The following SHMT1 variants were observed in gnomAD, a reference collection of about 807,000 sequenced individuals.
SHMT1 encodes serine hydroxymethyltransferase 1, also known as serine hydroxymethyltransferase, cytosolic.
Under a neutral mutation model 49.0 loss-of-function variants are expected in SHMT1, and 45 were observed. The ratio of observed to expected loss-of-function variants is 0.92; its 90% CI spans 0.72 to 1.18. SHMT1 has a LOEUF of 1.18. Among genes scored for constraint, SHMT1 ranks in the 50% most tolerant of loss-of-function variants. The pLI, the probability that SHMT1 is intolerant of heterozygous loss-of-function variation, is 0.00. For missense variants in SHMT1, 541 were observed against 612.4 expected, an observed-to-expected ratio of 0.88 and a Z score of 1.23; for synonymous variants, 232 against 246.6, an observed-to-expected ratio of 0.94 and a Z score of 0.55.
chr17:18,336,493 C>T (rs1030491837), intron 7 of SHMT1, among the ~76,000 whole-genome samples: 1 of 151,896 alleles, frequency 6.6e-6, no homozygotes, highest in Admixed American at 6.6e-5. Context: ...TAGTGAAACC[C>T]TGTCTCTACT....
Position 18,333,297 on chromosome 17 carries a change from GAA to G in SHMT1, c.932-11_932-10del, listed in dbSNP as rs1369764478. 1 of 1,612,734 alleles carries G rather than the reference GAA, an allele frequency of 6.2e-7. No homozygotes were observed. The highest frequency in any genetic ancestry group is 8.5e-7 in the Non-Finnish European group (1 of 1,179,854). On this transcript the variant is annotated splice_polypyrimidine_tract_variant and intron_variant, in intron 8 of 11. Transcript: ENST00000316694. ...CAGTGCCACAGCAACCCCTGGACAA[GAA>G]GAGACAATGGGTCAGGAGGCTAGGA...
intron 5 of SHMT1, among the ~76,000 whole-genome samples, chr17:18,344,780 T>C (rs1984911101): frequency 6.6e-6 from 1 of 152,092 alleles, no homozygotes; most frequent in Non-Finnish European, 1.5e-5. Context: ...AGCAGTCACT[T>C]AGGACCAGGG....
At chr17:18,343,622 A>C (rs1196566462) in intron 5 of SHMT1, among the ~76,000 whole-genome samples, 1 of 144,892 alleles carries the variant, frequency 6.9e-6, no homozygotes, top group East Asian at 2.0e-4. Flanking sequence ...AAAAAAAAAA[A>C]AAAAAAAAAG....
Position 18,340,515 on chromosome 17 carries a change from C to G in SHMT1, c.601+217G>C. Reference sequence around the variant, plus strand: ...GGGCCTGACATTTCTAGATGCTTCTCTGAGAACAGTCTCACATCTTAATCT... The same window carrying G: ...GGGCCTGACATTTCTAGATGCTTCTGTGAGAACAGTCTCACATCTTAATCT... On this transcript the variant is annotated intron_variant, in intron 6 of 11. Coordinates refer to ENST00000316694, the MANE Select transcript of SHMT1 (RefSeq NM_004169.5). This position sits in a 1 kb window ranked among gnomAD's most constrained non-coding sequence, Gnocchi z 4.5. 1.5e-6 allele frequency: 1 copy of G among 677,266 alleles called. No homozygotes were observed. The highest frequency in any genetic ancestry group is 2.6e-6 in the Non-Finnish European group (1 of 378,124). 42.0% of individuals were successfully genotyped at this position (677,266 alleles called of 1,614,324 possible). A position where few individuals can be genotyped will look rare whatever the true frequency, so the allele number is the denominator to read the frequency against.
intron 3 of SHMT1, among the ~76,000 whole-genome samples, chr17:18,350,257 G>C (rs1394270806): frequency 6.6e-6 from 1 of 152,034 alleles, no homozygotes; most frequent in Admixed American, 6.6e-5. Context: ...CGTGAACCCG[G>C]GAGGTGGAGC....
rs572473942 is a variant in SHMT1, at chr17:18,353,756, G to A, written c.158C>T (p.Ser53Leu). ...RQRVGLELIA[S>L]ENFASRAVLE... ...AACTGCTCGGCTGGCGAAATTCTCC[G>A]AGGCAATCAGCTCCAATCCAACCCT... Residue 53 changes from serine (S) to leucine (L), a missense_variant, in exon 3 of 12, where the codon TCG becomes TTG. Ser to Leu is a moderately radical substitution (Grantham distance 145). Transcript: ENST00000316694. 5.6e-6 allele frequency: 9 copies of A among 1,613,990 alleles called. No individual in the cohort carries two copies. The highest frequency in any genetic ancestry group is 3.3e-5 in the Admixed American group (2 of 59,988).
chr17:18,356,955 A>G (rs553736503), intron 1 of SHMT1, among the ~76,000 whole-genome samples: 6 of 152,036 alleles, frequency 3.9e-5, no homozygotes, highest in Non-Finnish European at 8.8e-5. Flanking sequence ...TTTTTAAAAA[A>G]TCTCCTGCGG....
intron 8 of SHMT1, 45 bp from the exon 9 acceptor site, chr17:18,333,333 TAC>T (rs1221355931): frequency 6.2e-7 from 1 of 1,600,592 alleles, no homozygotes; most frequent in Admixed American, 1.7e-5. Context: ...GATAGAATCA[TAC>T]ACAGATGATG....
intron 5 of SHMT1, among the ~76,000 whole-genome samples, chr17:18,344,769 C>T (rs1203022829): frequency 4.6e-5 from 7 of 152,086 alleles, no homozygotes; most frequent in African/African-American, 1.7e-4. Context: ...AAGGAGACCC[C>T]AGCAGTCACT....
chr17:18,354,006 G>C (rs1351211825), intron 2 of SHMT1, among the ~76,000 whole-genome samples, 189 bp from the exon 3 acceptor site: 1 of 152,226 alleles, frequency 6.6e-6, no homozygotes, highest in Non-Finnish European at 1.5e-5. Flanking sequence ...ATGATAGCCA[G>C]GTGCGGTGGC....
intron 2 of SHMT1, among the ~76,000 whole-genome samples, chr17:18,355,397 G>A (rs190033219): frequency 0.017 from 2,435 of 145,766 alleles, 59 homozygotes; most frequent in African/African-American, 0.053. Flanking sequence ...AAAATTAGCC[G>A]GGCATGGTGG....
At chr17:18,339,785 C>A (rs1345438842) in intron 7 of SHMT1, among the ~76,000 whole-genome samples, 1 of 152,186 alleles carries the variant, frequency 6.6e-6, no homozygotes, top group Non-Finnish European at 1.5e-5. Flanking sequence ...TGGTCTTGAT[C>A]TCCTGACCTC....
Position 18,333,264 on chromosome 17 carries a change from G to C in SHMT1, c.956C>G (p.Ala319Gly). The C allele has an allele frequency of 1.2e-6, 2 of 1,613,554 alleles. No individual in the cohort carries two copies. Among genetic ancestry groups the C allele is most frequent in the Non-Finnish European group, 1.7e-6 (2 of 1,179,950 alleles). The change falls in exon 9 of 12, where the codon GCT (alanine) becomes GGT (glycine). Residue 319 changes from alanine to glycine, a missense_variant. By Grantham distance (60) the Ala-to-Gly change is moderately conservative (BLOSUM62 0). Coordinates refer to ENST00000316694, the MANE Select transcript of SHMT1 (RefSeq NM_004169.5). ...IAGVAVALKQ[A>G]MTLEFKVYQH... is the part of the protein sequence containing the mutation. ...ATAAACTTTAAATTCCAGAGTCATA[G>C]CTTGCTTCAGTGCCACAGCAACCCC...
rs557412766 is a variant in SHMT1 at position 18,329,168 on chromosome 17, T to G, written c.1282+110A>C. 233 of 929,318 alleles carry G rather than the reference T, an allele frequency of 2.5e-4. No individual in the cohort carries two copies. In the African/African-American group the frequency reaches 3.5e-3, roughly 14 times the overall value. 57.6% of individuals were successfully genotyped at this position (929,318 alleles called of 1,614,324 possible). On this transcript the variant is annotated intron_variant, in intron 11 of 11. Coordinates refer to ENST00000316694, the MANE Select transcript of SHMT1 (RefSeq NM_004169.5). ...TTTTTGCTGTCTCCCACCCCAACACTCAGCCTTGGTGCAGAATTGTCTTTC... is the reference window on the plus strand; with the variant it reads ...TTTTTGCTGTCTCCCACCCCAACACGCAGCCTTGGTGCAGAATTGTCTTTC...
intron 5 of SHMT1, chr17:18,341,091 C>T (rs2151580456): frequency 4.0e-6 from 2 of 498,018 alleles, no homozygotes; most frequent in Middle Eastern, 1.1e-3. Flanking sequence ...CAGAATGAAA[C>T]AAATGTGACG....
intron 5 of SHMT1, among the ~76,000 whole-genome samples, chr17:18,343,831 G>A (rs1314557075): frequency 7.2e-6 from 1 of 138,726 alleles, no homozygotes; most frequent in Non-Finnish European, 1.5e-5. Context: ...GAAGAGGAAA[G>A]ATCGCTTGAG....
At chr17:18,356,593 A>G (rs1047527888) in intron 1 of SHMT1, among the ~76,000 whole-genome samples, 1 of 152,004 alleles carries the variant, frequency 6.6e-6, no homozygotes, top group South Asian at 2.1e-4. Flanking sequence ...TCGGCCTCCC[A>G]AAGTGCTGGG....
chr17:18,329,163 A>G, intron 11 of SHMT1, 115 bp downstream of exon 11: 1 of 927,356 alleles, frequency 1.1e-6, no homozygotes, highest in Non-Finnish European at 1.7e-6. Context: ...CTCCCACCCC[A>G]ACACTCAGCC....
chr17:18,351,163 G>T (rs562322994), intron 3 of SHMT1, among the ~76,000 whole-genome samples: 181 of 147,684 alleles, frequency 1.2e-3, no homozygotes, highest in African/African-American at 4.4e-3. Context: ...ATTTTTTTGA[G>T]ACGGAATCTC....
Sources: allele counts gnomAD v4.1 joint callset (sites outside exome capture counted in the v4.1 genomes callset), GRCh38; gene constraint gnomAD v4.1.1; non-coding constraint Gnocchi (gnomAD v3.1); transcripts MANE v1.5; gene names NCBI Gene and HGNC (gene_info 2026-07-23, HGNC 2026-07-21).